YPEL2: variants seen among roughly 807,000 people sequenced by gnomAD.
The protein encoded by YPEL2 is yippee like 2, also known as protein yippee-like 2.
YPEL2 carries 2 observed loss-of-function variants against 19.1 expected under a neutral mutation model. The ratio of observed to expected loss-of-function variants is 0.10; its 90% CI spans 0.04 to 0.33. YPEL2 has a LOEUF of 0.33. YPEL2 is among the 10% of genes least tolerant of loss of function. YPEL2 has a pLI of 1.00. For synonymous variants in YPEL2, 52 were observed against 50.0 expected (o/e 1.04, Z -0.17); for missense variants, 66 against 140.7 (o/e 0.47, Z 2.68).
At chr17:59,344,919 A>G (rs936985639) in intron 1 of YPEL2, among the ~76,000 whole-genome samples, 15 of 152,188 alleles carry the variant, frequency 9.9e-5, no homozygotes, top group Non-Finnish European at 2.9e-5. Context: ...TTTTGGCACC[A>G]GGGACCGGTT....
Position 59,398,260 on chromosome 17 carries a change from CTTTCCTCTTCGGT to C in YPEL2, c.*1074_*1086del, listed in dbSNP as rs2048051349. Reference sequence around the variant, plus strand: ...TGGAACCAGTTCAGGTTCGGTGCATCTTTCCTCTTCGGTTTTACAGTGGCTTCCGTGGGATCGT... The same window carrying C: ...TGGAACCAGTTCAGGTTCGGTGCATCTTTACAGTGGCTTCCGTGGGATCGT... On this transcript the variant is annotated 3_prime_UTR_variant, in exon 5 of 5. Coordinates refer to ENST00000312655, the MANE Select transcript of YPEL2 (RefSeq NM_001005404.4). The C allele has an allele frequency of 6.6e-6, 1 of 152,272 alleles. No homozygotes were observed. The highest frequency in any genetic ancestry group is 1.5e-5 in the Non-Finnish European group (1 of 68,116). The allele number at this position is 152,272 out of a possible 1,614,324, so 9.4% of individuals were successfully genotyped here.
intron 1 of YPEL2, among the ~76,000 whole-genome samples, chr17:59,333,180 T>G (rs2147930662): frequency 6.6e-6 from 1 of 152,376 alleles, no homozygotes; most frequent in East Asian, 1.9e-4. Context: ...TTCATTCTTC[T>G]AAACTGTGTT....
intron 1 of YPEL2, among the ~76,000 whole-genome samples, chr17:59,349,877 T>A (rs929854683): frequency 6.6e-6 from 1 of 151,766 alleles, no homozygotes; most frequent in African/African-American, 2.4e-5. Flanking sequence ...GCCAGGATGG[T>A]CTCAATCTCT....
At chr17:59,335,756 C>G (rs1181940468) in intron 1 of YPEL2, among the ~76,000 whole-genome samples, 1 of 152,034 alleles carries the variant, frequency 6.6e-6, no homozygotes, top group Non-Finnish European at 1.5e-5. Context: ...ACCATATTGT[C>G]CAGGCTGGTC....
chr17:59,388,260 G>T (rs568742823), intron 2 of YPEL2, 67 bp from the exon 3 acceptor site: 1 of 1,496,020 alleles, frequency 6.7e-7, no homozygotes, highest in Admixed American at 1.7e-5. Context: ...ACTGTGATTG[G>T]GGTTGGTTTC....
chr17:59,342,364 T>C (rs542118507), intron 1 of YPEL2, among the ~76,000 whole-genome samples: 14 of 152,206 alleles, frequency 9.2e-5, no homozygotes, highest in Admixed American at 2.6e-4. Context: ...AGTACAGCTG[T>C]GGATAGTGCT....
chr17:59,354,139 T>C (rs1432316470), intron 2 of YPEL2: 1 of 157,016 alleles, frequency 6.4e-6, no homozygotes, highest in Non-Finnish European at 1.4e-5. Context: ...CTTTCTAAAG[T>C]TGGGGCTGGG....
At chr17:59,395,422 T>A (rs2048033821) in intron 4 of YPEL2, among the ~76,000 whole-genome samples, 1 of 152,194 alleles carries the variant, frequency 6.6e-6, no homozygotes, top group African/African-American at 2.4e-5. Context: ...TGTCCACTGC[T>A]TGTGCATATG....
chr17:59,341,437 A>G (rs1179052302), intron 1 of YPEL2, among the ~76,000 whole-genome samples: 1 of 151,718 alleles, frequency 6.6e-6, no homozygotes, highest in Non-Finnish European at 1.5e-5. Context: ...TAATCCCAGC[A>G]TCTCCTGAGG....
At chr17:59,362,140 A>G (rs2040942770) in intron 2 of YPEL2, among the ~76,000 whole-genome samples, 1 of 151,850 alleles carries the variant, frequency 6.6e-6, no homozygotes, top group African/African-American at 2.4e-5. Flanking sequence ...CTAGTGAGGA[A>G]GAGACTAGAA....
chr17:59,379,384 C>G (rs917717136), intron 2 of YPEL2, among the ~76,000 whole-genome samples: 9 of 152,186 alleles, frequency 5.9e-5, no homozygotes, highest in Admixed American at 3.9e-4. Flanking sequence ...GGAAAAAGGA[C>G]TGATCTGACC....
intron 2 of YPEL2, chr17:59,355,189 G>A (rs2147941064): frequency 6.6e-6 from 1 of 152,246 alleles, no homozygotes; most frequent in South Asian, 2.1e-4. Context: ...CTTTAAGGTA[G>A]TTGACATGAG....
chr17:59,368,583 A>G (rs1000193370), intron 2 of YPEL2, among the ~76,000 whole-genome samples: 7 of 152,220 alleles, frequency 4.6e-5, no homozygotes, highest in African/African-American at 1.7e-4. Flanking sequence ...AGACAAGAGG[A>G]GTCCATTCTG....
intron 2 of YPEL2, among the ~76,000 whole-genome samples, chr17:59,357,215 C>A (rs2047817325): frequency 6.6e-6 from 1 of 151,982 alleles, no homozygotes; most frequent in Non-Finnish European, 1.5e-5. Flanking sequence ...AAGAAAAGAA[C>A]AAAAAGACAA....
At chr17:59,393,192 A>T (rs2048016841) in intron 4 of YPEL2, among the ~76,000 whole-genome samples, 1 of 152,116 alleles carries the variant, frequency 6.6e-6, no homozygotes. Flanking sequence ...GCAGTGGTGC[A>T]GTCTGGCTCA....
chr17:59,396,172 G>A (rs1221047348), intron 4 of YPEL2, among the ~76,000 whole-genome samples: 1 of 152,100 alleles, frequency 6.6e-6, no homozygotes, highest in Non-Finnish European at 1.5e-5. Context: ...CTAACCCAGG[G>A]CAAACTTCCG....
chr17:59,379,216 C>T (rs1307808069), intron 2 of YPEL2, among the ~76,000 whole-genome samples: 1 of 152,176 alleles, frequency 6.6e-6, no homozygotes, highest in Non-Finnish European at 1.5e-5. Context: ...TTATCATCAC[C>T]CCTCTCACTT....
At chr17:59,365,799 G>GT (rs1178270934) in intron 2 of YPEL2, among the ~76,000 whole-genome samples, 1 of 152,102 alleles carries the variant, frequency 6.6e-6, no homozygotes, top group East Asian at 1.9e-4. Context: ...TGGCTGGACA[G>GT]TGAGTTGGAG....
At chr17:59,362,265 G>GTT (rs111399720) in intron 2 of YPEL2, among the ~76,000 whole-genome samples, 94 of 142,532 alleles carry the variant, frequency 6.6e-4, no homozygotes, top group African/African-American at 2.1e-3. Flanking sequence ...GCATTCTATG[G>GTT]TTTTTTTTTT....
Sources: allele counts gnomAD v4.1 joint callset (sites outside exome capture counted in the v4.1 genomes callset), GRCh38; gene constraint gnomAD v4.1.1; transcripts MANE v1.5; gene names NCBI Gene and HGNC (gene_info 2026-07-23, HGNC 2026-07-21).